SMAD3: variants seen among roughly 807,000 people sequenced by gnomAD.
SMAD3 encodes the protein MAD homolog 3.
In SMAD3, 12 loss-of-function variants were observed where a neutral mutation model predicts 51.8. The ratio of observed to expected loss-of-function variants is 0.23; its 90% CI spans 0.15 to 0.38. The LOEUF is 0.38. Among genes scored for constraint, SMAD3 ranks in the 10% least tolerant of loss-of-function variants. The pLI, the probability that SMAD3 is intolerant of heterozygous loss-of-function variation, is 1.00. For missense variants in SMAD3, 294 were observed against 565.6 expected (o/e 0.52, Z 4.87); for synonymous variants, 238 against 227.7 (o/e 1.05, Z -0.41).
intron 5 of SMAD3, among the ~76,000 whole-genome samples, chr15:67,174,743 T>C (rs1962843874): frequency 6.6e-6 from 1 of 152,212 alleles, no homozygotes; most frequent in Non-Finnish European, 1.5e-5. Flanking sequence ...AATGGGGACA[T>C]CTCAGGACAT....
chr15:67,110,654 TG>T (rs1415570461), intron 1 of SMAD3, among the ~76,000 whole-genome samples: 12 of 152,244 alleles, frequency 7.9e-5, no homozygotes, highest in Non-Finnish European at 1.6e-4. Context: ...TGGGCTACCC[TG>T]GTTGCAAAGT....
At chr15:67,119,004 A>G (rs973602009) in intron 1 of SMAD3, among the ~76,000 whole-genome samples, 1 of 152,180 alleles carries the variant, frequency 6.6e-6, no homozygotes, top group Non-Finnish European at 1.5e-5. Flanking sequence ...TGGATAGATG[A>G]GCGTGGAGTT....
intron 1 of SMAD3, among the ~76,000 whole-genome samples, chr15:67,090,505 AT>A (rs1225086767): frequency 2.6e-5 from 4 of 152,076 alleles, no homozygotes; most frequent in Non-Finnish European, 5.9e-5. Flanking sequence ...TGCGCAAGTC[AT>A]TTGTTGGGAA....
chr15:67,080,910 A>G (rs1353104242), intron 1 of SMAD3, among the ~76,000 whole-genome samples: 4 of 152,132 alleles, frequency 2.6e-5, no homozygotes, highest in Non-Finnish European at 5.9e-5. Context: ...CTTGCCCCAG[A>G]TAATTTATTG....
intron 1 of SMAD3, among the ~76,000 whole-genome samples, chr15:67,113,074 G>A (rs370546476): frequency 1.1e-4 from 1 of 9,320 alleles, no homozygotes; most frequent in Non-Finnish European, 7.3e-4. Context: ...ATATATATAT[G>A]TGTATATATA....
At chr15:67,115,561 G>A (rs1438386) in intron 1 of SMAD3, among the ~76,000 whole-genome samples, 77,660 of 151,926 alleles carry the variant, frequency 0.51, 21,800 homozygotes, top group Middle Eastern at 0.65. Flanking sequence ...CCTTTGGGGC[G>A]CTTGGGTCCT....
At position 67,190,656 on chromosome 15, in the gene SMAD3, C is replaced by A; in HGVS notation, c.*120C>A. 1 of 1,077,606 alleles carries A rather than the reference C, an allele frequency of 9.3e-7. No homozygotes were observed. 66.8% of individuals were successfully genotyped at this position (1,077,606 alleles called of 1,614,324 possible). On this transcript the variant is annotated 3_prime_UTR_variant, in exon 9 of 9. Coordinates refer to ENST00000327367, the MANE Select transcript of SMAD3 (RefSeq NM_005902.4). ...GGAAGAAGAAATCTTTCTCCCTCAACTGAAGGGGTGCACCCACCTGTTTTC... is the reference window on the plus strand; with the variant it reads ...GGAAGAAGAAATCTTTCTCCCTCAAATGAAGGGGTGCACCCACCTGTTTTC...
chr15:67,180,826 GC>G (rs1417850327), intron 5 of SMAD3, among the ~76,000 whole-genome samples: 1 of 152,100 alleles, frequency 6.6e-6, no homozygotes, highest in African/African-American at 2.4e-5. Flanking sequence ...GGTGTGGCCT[GC>G]CCCACAGTGA....
intron 1 of SMAD3, among the ~76,000 whole-genome samples, chr15:67,157,740 G>A (rs2140284715): frequency 6.6e-6 from 1 of 152,294 alleles, no homozygotes; most frequent in East Asian, 1.9e-4. Context: ...ACTCTGGCAG[G>A]CTTCACCTTC....
chr15:67,073,032 C>G (rs1960090403), intron 1 of SMAD3, among the ~76,000 whole-genome samples: 1 of 152,224 alleles, frequency 6.6e-6, no homozygotes, highest in African/African-American at 2.4e-5. Context: ...TCTGTAGCTT[C>G]TAGTCCACTG....
intron 1 of SMAD3, among the ~76,000 whole-genome samples, chr15:67,155,114 C>CT (rs1962248014): frequency 6.6e-6 from 1 of 151,998 alleles, no homozygotes; most frequent in African/African-American, 2.4e-5. Flanking sequence ...GACCAGATGC[C>CT]CTCAAGGTTC....
chr15:67,098,340 G>A (rs1320580873), intron 1 of SMAD3, among the ~76,000 whole-genome samples: 1 of 75,872 alleles, frequency 1.3e-5, no homozygotes, highest in African/African-American at 5.5e-5. Flanking sequence ...GGGAGGGAGG[G>A]AGGGAGGGAG....
chr15:67,072,634 A>G (rs1199289022), intron 1 of SMAD3, among the ~76,000 whole-genome samples: 3 of 152,236 alleles, frequency 2.0e-5, no homozygotes, highest in Non-Finnish European at 4.4e-5. Flanking sequence ...TCATGATGGC[A>G]GCCTGCTGAA....
chr15:67,193,005 G>A lies in SMAD3; in HGVS notation c.*2469G>A. 4.3e-6 allele frequency: 1 copy of A among 233,278 alleles called. No individual in the cohort carries two copies. The highest frequency in any genetic ancestry group is 8.5e-6 in the Non-Finnish European group (1 of 117,986). 14.5% of individuals were successfully genotyped at this position (233,278 alleles called of 1,614,324 possible). A position where few individuals can be genotyped will look rare whatever the true frequency, so the allele number is the denominator to read the frequency against. On this transcript the variant is annotated 3_prime_UTR_variant, in exon 9 of 9. Coordinates refer to ENST00000327367, the MANE Select transcript of SMAD3 (RefSeq NM_005902.4). ...AGGCAAACCCACCTGTGGCATCACT[G>A]AAAATAAATTTGATCATACCTAAGA...
intron 1 of SMAD3, among the ~76,000 whole-genome samples, chr15:67,099,423 G>A (rs937244528): frequency 1.3e-5 from 2 of 152,184 alleles, no homozygotes; most frequent in African/African-American, 4.8e-5. Context: ...TTTGAAAAAT[G>A]GAGAATTACA....
intron 1 of SMAD3, among the ~76,000 whole-genome samples, chr15:67,136,197 A>G (rs541905744): frequency 8.5e-5 from 13 of 152,340 alleles, no homozygotes; most frequent in African/African-American, 3.1e-4. Flanking sequence ...TTATAAATTC[A>G]TTGCCTTTGA....
intron 1 of SMAD3, among the ~76,000 whole-genome samples, chr15:67,132,768 A>G (rs1961556463): frequency 6.6e-6 from 1 of 152,222 alleles, no homozygotes; most frequent in African/African-American, 2.4e-5. Flanking sequence ...AAGCCTGCTT[A>G]AATGGATGAC....
intron 1 of SMAD3, among the ~76,000 whole-genome samples, chr15:67,156,570 T>C (rs912587253): frequency 6.6e-6 from 1 of 152,218 alleles, no homozygotes; most frequent in Non-Finnish European, 1.5e-5. Context: ...AATCCATGTA[T>C]GGAGATAATG....
intron 1 of SMAD3, among the ~76,000 whole-genome samples, chr15:67,078,508 C>G (rs533244693): frequency 6.6e-6 from 1 of 152,194 alleles, no homozygotes; most frequent in Admixed American, 6.5e-5. Flanking sequence ...GATTATATTC[C>G]TTAATGAGAG....
Sources: gnomAD v4.1 joint callset for allele counts (sites outside exome capture counted in the v4.1 genomes callset) on GRCh38, gnomAD v4.1.1 for gene constraint, MANE v1.5 for transcripts, NCBI Gene and HGNC (gene_info 2026-07-23, HGNC 2026-07-21) for gene names.